The following PPL variants were observed in gnomAD, a reference collection of about 807,000 sequenced individuals.
The protein encoded by PPL is 190 kDa paraneoplastic pemphigus antigen.
PPL carries 198 observed loss-of-function variants against 194.4 expected under a neutral mutation model. The ratio of observed to expected loss-of-function variants is 1.02; its 90% CI spans 0.91 to 1.15. The LOEUF is 1.15. Ranked by LOEUF, PPL falls within the 50% of genes most tolerant of loss-of-function variation. The pLI, the probability that PPL is intolerant of heterozygous loss-of-function variation, is 0.00. For synonymous variants in PPL, 1,220 were observed against 972.4 expected (o/e 1.25, Z -4.74); for missense variants, 2,885 against 2,294.8 (o/e 1.26, Z -5.25).
chr16:4,922,968 T>C (rs760388115), intron 1 of PPL, among the ~76,000 whole-genome samples: 2 of 152,178 alleles, frequency 1.3e-5, no homozygotes, highest in African/African-American at 2.4e-5. Flanking sequence ...GCGTCCCAGA[T>C]GCCCACTCCC....
chr16:4,893,208 G>A lies in PPL; in HGVS notation c.1650+5C>T, dbSNP rs377730603. On this transcript the variant is annotated splice_donor_5th_base_variant and intron_variant, in intron 14 of 21. Transcript: ENST00000345988. ...GCCCCACCTGTGCTCCTGACCCGCA[G>A]GTACCTTGAGGTCCTTGGCCCGCTC... 34 of 1,551,534 alleles carry A rather than the reference G, an allele frequency of 2.2e-5. No individual in the cohort carries two copies. The African/African-American group carries it at 3.6e-4, about 17-fold the overall frequency.
chr16:4,924,840 C>T (rs755216226), intron 1 of PPL, among the ~76,000 whole-genome samples: 10 of 152,250 alleles, frequency 6.6e-5, no homozygotes, highest in Non-Finnish European at 1.0e-4. Context: ...GCGAGAGCAG[C>T]CACCCCGGTA....
chr16:4,919,465 T>A (rs1390065139), intron 1 of PPL, among the ~76,000 whole-genome samples: 1 of 152,214 alleles, frequency 6.6e-6, no homozygotes, highest in Non-Finnish European at 1.5e-5. Context: ...TTTCTCACTA[T>A]GTTGACCAGG....
chr16:4,895,421 G>T lies in PPL; in HGVS notation c.1096-14C>A. 1 of 1,611,624 alleles carries T rather than the reference G, an allele frequency of 6.2e-7. No homozygotes were observed. The highest frequency in any genetic ancestry group is 8.5e-7 in the Non-Finnish European group (1 of 1,179,188). ...CTTCTCCTGGTCCTGGAGAGAACGGGGTCAGGGGCCCAGGTGAGACCAACA... is the reference window on the plus strand; with the variant it reads ...CTTCTCCTGGTCCTGGAGAGAACGGTGTCAGGGGCCCAGGTGAGACCAACA... On this transcript the variant is annotated splice_polypyrimidine_tract_variant and intron_variant, in intron 10 of 21. Transcript: ENST00000345988.
In PPL at chr16:4,899,137, T is replaced by C. The variant is rs747598322; in HGVS notation, c.769-17A>G. ...GATGAAATTCTGCAGTGGGGGGCAG[T>C]GGAGGGGCCTCAGTGCCCAGCCTGG... On this transcript the variant is annotated splice_polypyrimidine_tract_variant and intron_variant, in intron 7 of 21. Transcript: ENST00000345988. The C allele has an allele frequency of 3.7e-6, 6 of 1,613,248 alleles. No individual in the cohort carries two copies. The African/African-American group carries it at 8.0e-5, about 22-fold the overall frequency.
chr16:4,884,393 T>C lies in PPL; in HGVS notation c.4262A>G (p.Gln1421Arg). ...CGCTGCCAGCCGCTGCTGCAACCGC[T>C]GTACCTCGCGCTCGGCCTCCCTGCG... ...QARREAEREVQRLQQRLAALE... is the reference protein window; with the variant it reads ...QARREAEREVRRLQQRLAALE... Residue 1421 changes from glutamine to arginine, a missense_variant, in exon 22 of 22, where the codon CAG becomes CGG. Gln to Arg is a conservative substitution (Grantham distance 43). Transcript: ENST00000345988. The surrounding 1 kb of genome is among the most constrained non-coding windows in gnomAD (Gnocchi z 5.7). 1.2e-6 allele frequency: 2 copies of C among 1,610,318 alleles called. No homozygotes were observed. The highest frequency in any genetic ancestry group is 8.5e-7 in the Non-Finnish European group (1 of 1,179,300).
intron 3 of PPL, among the ~76,000 whole-genome samples, chr16:4,903,568 A>C (rs1459204704): frequency 1.3e-5 from 2 of 151,916 alleles, no homozygotes; most frequent in South Asian, 2.1e-4. Context: ...AAAAATACAA[A>C]AATTAGCCGG....
intron 1 of PPL, among the ~76,000 whole-genome samples, chr16:4,915,476 T>C (rs1040690204): frequency 6.6e-6 from 1 of 152,204 alleles, no homozygotes; most frequent in East Asian, 1.9e-4. Flanking sequence ...CAGCTCAATA[T>C]CATCCTTGCC....
intron 1 of PPL, among the ~76,000 whole-genome samples, chr16:4,919,951 G>T (rs1218210244): frequency 6.6e-6 from 1 of 151,840 alleles, no homozygotes; most frequent in Non-Finnish European, 1.5e-5. Flanking sequence ...ACCAAAAAAA[G>T]TGTATTTGTG....
Position 4,902,061 on chromosome 16 carries a change from G to A in PPL, c.438+345C>T, listed in dbSNP as rs1439887332. 6.6e-6 allele frequency among the ~76,000 whole-genome samples: 1 copy of A among 152,214 alleles called. No individual in the cohort carries two copies. Among genetic ancestry groups the A allele is most frequent in the Non-Finnish European group, 1.5e-5 (1 of 68,042 alleles). ...CTCTGTGGTGAGCACCCAGGAAAGG[G>A]AGCGACAGGCCAGAAGCCTGGCCGC... On this transcript the variant is annotated intron_variant, in intron 4 of 21. Transcript: ENST00000345988. The surrounding 1 kb of genome is among the most constrained non-coding windows in gnomAD (Gnocchi z 4.0).
chr16:4,936,053 T>C (rs1224732328), intron 1 of PPL, among the ~76,000 whole-genome samples: 1 of 152,110 alleles, frequency 6.6e-6, no homozygotes, highest in Non-Finnish European at 1.5e-5. Flanking sequence ...AATCTCAGCA[T>C]CTCCACCAGG....
chr16:4,911,044 A>G (rs980718562), intron 1 of PPL, 95 bp from the exon 2 acceptor site: 1 of 1,006,556 alleles, frequency 9.9e-7, no homozygotes, highest in Admixed American at 2.0e-5. Flanking sequence ...CCCCGGCCCC[A>G]CGCTCTGAGC....
chr16:4,928,853 A>G (rs2089191987), intron 1 of PPL, among the ~76,000 whole-genome samples: 1 of 151,992 alleles, frequency 6.6e-6, no homozygotes, highest in Admixed American at 6.6e-5. Context: ...TCTACTAAAA[A>G]TACAAAATAT....
intron 3 of PPL, 93 bp downstream of exon 3, chr16:4,903,793 C>A (rs561368789): frequency 6.7e-7 from 1 of 1,491,662 alleles, no homozygotes; most frequent in South Asian, 1.2e-5. Context: ...CTTGATAACC[C>A]CTGACTCGGG....
At chr16:4,932,281 T>C (rs2089234706) in intron 1 of PPL, among the ~76,000 whole-genome samples, 1 of 152,200 alleles carries the variant, frequency 6.6e-6, no homozygotes, top group South Asian at 2.1e-4. Context: ...CGGCTCTCTC[T>C]AAGCTGTTAC....
At chr16:4,908,141 AAC>A (rs2088736773) in intron 2 of PPL, among the ~76,000 whole-genome samples, 1 of 147,366 alleles carries the variant, frequency 6.8e-6, no homozygotes, top group African/African-American at 2.5e-5. Flanking sequence ...CAGCCTGGAC[AAC>A]AGAGTGAGAG....
rs11863749 is a variant in PPL at position 4,885,277 on chromosome 16, G to T, written c.3378C>A (p.Thr1126=). 9,426 of 1,611,582 alleles carry T rather than the reference G, an allele frequency of 5.8e-3. 440 individuals are homozygous for T. The African/African-American group carries it at 0.11, about 19-fold the overall frequency. ...GGGTGAGATCGCTGACCTCCCTCTC[G>T]GTGGCCGCGTCCTTCTCCACCTTGA... ...EVLKVEKDAA[T]EREVSDLTRQ... Residue 1126 remains threonine, a synonymous_variant, in exon 22 of 22, where the codon ACC becomes ACA. Coordinates refer to ENST00000345988, the MANE Select transcript of PPL (RefSeq NM_002705.5). This position sits in a 1 kb window ranked among gnomAD's most constrained non-coding sequence, Gnocchi z 6.3.
chr16:4,917,636 C>T (rs182070093), intron 1 of PPL, among the ~76,000 whole-genome samples: 224 of 152,242 alleles, frequency 1.5e-3, no homozygotes, highest in African/African-American at 5.1e-3. Context: ...CGTGGTGGCT[C>T]GCACCTATAA....
chr16:4,917,204 A>G (rs1356636791), intron 1 of PPL, among the ~76,000 whole-genome samples: 1 of 152,232 alleles, frequency 6.6e-6, no homozygotes, highest in Admixed American at 6.5e-5. Flanking sequence ...TTGTACATAG[A>G]TGAATCACAG....
Sources: allele counts gnomAD v4.1 joint callset (sites outside exome capture counted in the v4.1 genomes callset), GRCh38; gene constraint gnomAD v4.1.1; non-coding constraint Gnocchi (gnomAD v3.1); transcripts MANE v1.5; gene names NCBI Gene and HGNC (gene_info 2026-07-23, HGNC 2026-07-21).